BRSK2: variants seen among roughly 807,000 people sequenced by gnomAD.
The protein encoded by BRSK2 is BR serine/threonine kinase 2.
A neutral mutation model predicts 83.3 loss-of-function variants in BRSK2; 19 were observed. The observed-to-expected ratio is 0.23, with a 90% confidence interval of 0.16 to 0.33. The LOEUF (loss-of-function observed/expected upper bound fraction) is 0.33, where lower values mean the gene tolerates loss of function less well. Among genes scored for constraint, BRSK2 ranks in the 10% least tolerant of loss-of-function variants. The probability of loss-of-function intolerance (pLI) is 1.00; values close to 1 mark genes in which losing one functional copy is unlikely to be tolerated. For missense variants in BRSK2, 798 were observed against 1,042.3 expected, an observed-to-expected ratio of 0.77 and a Z score of 3.23; for synonymous variants, 519 against 435.4, an observed-to-expected ratio of 1.19 and a Z score of -2.39.
intron 13 of BRSK2, 61 bp from the exon 14 acceptor site, chr11:1,450,526 G>GT: frequency 5.0e-6 from 4 of 802,346 alleles, no homozygotes; most frequent in Non-Finnish European, 7.9e-6. Flanking sequence ...CCCTGCGGGT[G>GT]CCCCCCCGGC....
intron 1 of BRSK2, among the ~76,000 whole-genome samples, chr11:1,425,018 G>A (rs1015743851): frequency 5.3e-5 from 8 of 152,236 alleles, no homozygotes; most frequent in Admixed American, 3.3e-4. Flanking sequence ...CTGCTGTGAC[G>A]CCACGTGTTT....
chr11:1,449,367 C>T (rs1215162483), intron 12 of BRSK2, among the ~76,000 whole-genome samples: 2 of 152,360 alleles, frequency 1.3e-5, no homozygotes, highest in African/African-American at 4.8e-5. Context: ...CCTGTGAGAG[C>T]TCAGCCAGGG....
chr11:1,461,092 A>G lies in BRSK2; in HGVS notation c.*369A>G. 9.1e-6 allele frequency: 14 copies of G among 1,531,382 alleles called. No homozygotes were observed. Among genetic ancestry groups the G allele is most frequent in the South Asian group, 8.1e-5 (7 of 86,512 alleles). 94.9% of individuals were successfully genotyped at this position (1,531,382 alleles called of 1,614,324 possible). On this transcript the variant is annotated 3_prime_UTR_variant, in exon 20 of 20. Coordinates refer to ENST00000528841, the MANE Select transcript of BRSK2 (RefSeq NM_001256627.2). ...GCTGCCGGGCAGTGAGGCCCAGCCC[A>G]GCGCCCCGTCCACCCCGCGGCAGCT... is the stretch of plus-strand genomic sequence containing the variant.
intron 18 of BRSK2, among the ~76,000 whole-genome samples, chr11:1,458,701 C>A (rs1846981911): frequency 6.6e-6 from 1 of 152,194 alleles, no homozygotes; most frequent in South Asian, 2.1e-4. Flanking sequence ...GCTCCCACCC[C>A]AGTCCTGGAC....
intron 1 of BRSK2, among the ~76,000 whole-genome samples, chr11:1,406,577 C>A (rs1219559694): frequency 1.3e-5 from 2 of 152,220 alleles, no homozygotes; most frequent in Non-Finnish European, 2.9e-5. Flanking sequence ...TTTGGCAACA[C>A]AGGAGGGCGG....
rs780496152 is a variant in BRSK2 at position 1,456,602 on chromosome 11, C to T, written c.1854C>T (p.Pro618=). The change falls in exon 18 of 20, where the codon CCC becomes CCT. Residue 618 remains proline (P), a synonymous_variant. Transcript: ENST00000528841. ...ATAACCCCCTGTCTCCCCTAGGCCC[C>T]AGCCGTCGCTTCAAGAGGGTGGTGG... The part of the protein sequence containing the change: ...YSVTFTLLSG[P]SRRFKRVVET... The T allele has an allele frequency of 2.5e-6, 4 of 1,610,658 alleles. No homozygotes were observed. Among genetic ancestry groups the T allele is most frequent in the African/African-American group, 2.7e-5 (2 of 75,048 alleles).
At chr11:1,397,728 G>C (rs546372575) in intron 1 of BRSK2, among the ~76,000 whole-genome samples, 1 of 152,228 alleles carries the variant, frequency 6.6e-6, no homozygotes, top group Non-Finnish European at 1.5e-5. Flanking sequence ...CTTGGGTCCT[G>C]TCTGCCCTGG....
intron 1 of BRSK2, 31 bp from the exon 2 acceptor site, chr11:1,436,009 G>T: frequency 1.3e-6 from 2 of 1,561,012 alleles, no homozygotes; most frequent in Non-Finnish European, 1.8e-6. Flanking sequence ...CACCCTGGGT[G>T]GGTCTGAGCG....
chr11:1,446,911 C>G (rs1374737921), intron 12 of BRSK2, among the ~76,000 whole-genome samples: 1 of 152,156 alleles, frequency 6.6e-6, no homozygotes, highest in Non-Finnish European at 1.5e-5. Context: ...GGGGGTGGGA[C>G]AGGCGTGGCC....
chr11:1,398,255 G>A (rs1358385281), intron 1 of BRSK2, among the ~76,000 whole-genome samples: 12 of 152,194 alleles, frequency 7.9e-5, no homozygotes, highest in African/African-American at 2.7e-4. Context: ...CTAGCATCGG[G>A]CCTCGTGTCC....
At chr11:1,414,599 ATTTT>A (rs1179195364) in intron 1 of BRSK2, among the ~76,000 whole-genome samples, 1 of 152,324 alleles carries the variant, frequency 6.6e-6, no homozygotes, top group South Asian at 2.1e-4. Flanking sequence ...AGTAGACTGA[ATTTT>A]TTTAATTAAA....
rs188198118 is a variant in BRSK2, at chr11:1,455,901, G to A, written c.1669-447G>A. Among the ~76,000 whole-genome samples the A allele has an allele frequency of 3.2e-4, 49 of 151,490 alleles. No homozygotes were observed. In the East Asian group the frequency reaches 9.6e-3, roughly 30 times the overall value. On this transcript the variant is annotated intron_variant, in intron 16 of 19. Transcript: ENST00000528841. ...ACCATAGGTCCCGCAACCAGTGGGA[G>A]TCCCAGGAAGCCCCAGCAGGAGGGC...
In BRSK2 at chr11:1,436,139, G is replaced by T. The variant is rs938459682; in HGVS notation, c.186+5G>T. 1 of 1,407,966 alleles carries T rather than the reference G, an allele frequency of 7.1e-7. No homozygotes were observed. Among genetic ancestry groups the T allele is most frequent in the Non-Finnish European group, 9.6e-7 (1 of 1,042,990 alleles). The allele number at this position is 1,407,966 out of a possible 1,614,324, so 87.2% of individuals were successfully genotyped here. On this transcript the variant is annotated splice_donor_5th_base_variant and intron_variant, in intron 2 of 19. Coordinates refer to ENST00000528841, the MANE Select transcript of BRSK2 (RefSeq NM_001256627.2). ...AGCGAGTCGGTGCTGATGAAGGTGG[G>T]TGGGGCCGGGGAGGGAGGCGGGGCC...
At chr11:1,445,993 C>CAA in intron 12 of BRSK2, 86 bp downstream of exon 12, 1 of 1,478,728 alleles carries the variant, frequency 6.8e-7, no homozygotes, top group Non-Finnish European at 9.0e-7. Context: ...ACCCATTGGC[C>CAA]TGGGGTCTCG....
chr11:1,457,214 C>T (rs1846689541), intron 18 of BRSK2, among the ~76,000 whole-genome samples: 1 of 152,154 alleles, frequency 6.6e-6, no homozygotes, highest in South Asian at 2.1e-4. Context: ...CTGCACAGGA[C>T]CTGGGAGAGC....
Position 1,461,889 on chromosome 11 carries a change from C to CCG in BRSK2, c.*1166_*1167insCG, listed in dbSNP as rs1166661376. ...CGGCTCGCTCTGTCATGGGTTCCGT[C>CCG]TCTCTGTGGAGAAGCAGCTCCACCT... On this transcript the variant is annotated 3_prime_UTR_variant, in exon 20 of 20. Transcript: ENST00000528841. 8.7e-5 allele frequency: 13 copies of CCG among 149,396 alleles called. No individual in the cohort carries two copies. The highest frequency in any genetic ancestry group is 1.6e-4 in the Non-Finnish European group (11 of 67,094). 9.3% of individuals were successfully genotyped at this position (149,396 alleles called of 1,614,324 possible). A position where few individuals can be genotyped will look rare whatever the true frequency, so the allele number is the denominator to read the frequency against.
rs115710629 is a variant in BRSK2 at position 1,413,349 on chromosome 11, G to A, written c.92-22691G>A. The stretch of plus-strand genomic sequence containing the variant: ...CCCTGCAGCCCCTTGCAGGGGCCAC[G>A]GGGAGACTCACAGAGGCAGTGCCCC... On this transcript the variant is annotated intron_variant, in intron 1 of 19. Coordinates refer to ENST00000528841, the MANE Select transcript of BRSK2 (RefSeq NM_001256627.2). 8.2e-3 allele frequency among the ~76,000 whole-genome samples: 1,230 copies of A among 149,322 alleles called. 12 individuals are homozygous for A. The highest frequency in any genetic ancestry group is 0.029 in the African/African-American group (1,170 of 41,044).
chr11:1,449,342 G>A (rs1206420910), intron 12 of BRSK2, among the ~76,000 whole-genome samples: 1 of 152,222 alleles, frequency 6.6e-6, no homozygotes, highest in Non-Finnish European at 1.5e-5. Context: ...GGACATGGAG[G>A]ACCAGGCTGC....
intron 1 of BRSK2, among the ~76,000 whole-genome samples, chr11:1,424,775 G>T (rs908709034): frequency 2.7e-4 from 41 of 151,892 alleles, no homozygotes; most frequent in African/African-American, 9.7e-4. Flanking sequence ...CCTGCTGGGG[G>T]CTCTGGACCT....
Sources: gnomAD v4.1 joint callset for allele counts (sites outside exome capture counted in the v4.1 genomes callset) on GRCh38, gnomAD v4.1.1 for gene constraint, MANE v1.5 for transcripts, NCBI Gene and HGNC (gene_info 2026-07-23, HGNC 2026-07-21) for gene names.